Variants in TMEM263 observed in about 807,000 individuals in gnomAD.
The protein encoded by TMEM263 is transmembrane protein 263, also known as UPF0444 transmembrane protein C12orf23.
A neutral mutation model predicts 8.6 loss-of-function variants in TMEM263; 5 were observed. The observed-to-expected ratio is 0.58, with a 90% CI of 0.31 to 1.23. The LOEUF (loss-of-function observed/expected upper bound fraction) is 1.23. Ranked by LOEUF, TMEM263 falls within the 50% of genes most tolerant of loss-of-function variation. The probability of loss-of-function intolerance (pLI) is 0.07; values close to 1 mark genes in which losing one functional copy is unlikely to be tolerated. For missense variants in TMEM263, 104 were observed against 138.8 expected (o/e 0.75, Z 1.26); for synonymous variants, 50 against 47.9 (o/e 1.04, Z -0.18).
In TMEM263 at chr12:106,956,014, G is replaced by T; in HGVS notation, c.-126G>T. 1 of 985,954 alleles carries T rather than the reference G, an allele frequency of 1.0e-6. No homozygotes were observed. The highest frequency in any genetic ancestry group is 1.2e-6 in the Non-Finnish European group (1 of 830,404). The allele number at this position is 985,954 out of a possible 1,614,324, so 61.1% of individuals were successfully genotyped here. A position where few individuals can be genotyped will look rare whatever the true frequency, so the allele number is the denominator to read the frequency against. On this transcript the variant is annotated 5_prime_UTR_variant, in exon 1 of 4. Coordinates refer to ENST00000280756, the MANE Select transcript of TMEM263 (RefSeq NM_152261.4). ...GGCCGCCTCAGCTCTCCTCTGCGCCGGCCCGCTCACTCCGCCCGGCCCCAG... is the reference window on the plus strand; with the variant it reads ...GGCCGCCTCAGCTCTCCTCTGCGCCTGCCCGCTCACTCCGCCCGGCCCCAG...
chr12:106,956,227 C>T (rs1375898386), intron 1 of TMEM263, among the ~76,000 whole-genome samples, 162 bp downstream of exon 1: 1 of 152,180 alleles, frequency 6.6e-6, no homozygotes, highest in Non-Finnish European at 1.5e-5. Context: ...AGGGGCGGGA[C>T]GAAGTTGGGG....
At chr12:106,968,412 T>A (rs948764375) in intron 3 of TMEM263, among the ~76,000 whole-genome samples, 1 of 151,874 alleles carries the variant, frequency 6.6e-6, no homozygotes, top group Non-Finnish European at 1.5e-5. Context: ...TAGGTTTAGT[T>A]TAGTTTGGTG....
chr12:106,963,819 G>C (rs1288141692), intron 2 of TMEM263, among the ~76,000 whole-genome samples: 2 of 152,124 alleles, frequency 1.3e-5, no homozygotes, highest in Non-Finnish European at 2.9e-5. Context: ...TTGTTTTTAA[G>C]GGATACTGTA....
chr12:106,969,224 C>T (rs1951885307), intron 3 of TMEM263, among the ~76,000 whole-genome samples: 1 of 152,070 alleles, frequency 6.6e-6, no homozygotes, highest in Non-Finnish European at 1.5e-5. Context: ...TTTATTTTCT[C>T]CATCAAATAT....
At chr12:106,967,066 C>T (rs1011632289) in intron 2 of TMEM263, 45 bp from the exon 3 acceptor site, 2 of 1,271,228 alleles carry the variant, frequency 1.6e-6, no homozygotes, top group Non-Finnish European at 2.3e-6. Context: ...GGTAGTCTCA[C>T]ATGTTGAGGT....
Position 106,972,334 on chromosome 12 carries a change from A to G in TMEM263, c.*943A>G, listed in dbSNP as rs1951933539. 1 of 152,190 alleles carries G rather than the reference A, an allele frequency of 6.6e-6. No homozygotes were observed. The highest frequency in any genetic ancestry group is 2.4e-5 in the African/African-American group (1 of 41,456). 9.4% of individuals were successfully genotyped at this position (152,190 alleles called of 1,614,324 possible). A position where few individuals can be genotyped will look rare whatever the true frequency, so the allele number is the denominator to read the frequency against. ...TTTTAAGTTCTTAAAAATTACCTAA[A>G]ACACCCCAAATATAAAAAGAAGCCT... On this transcript the variant is annotated 3_prime_UTR_variant, in exon 4 of 4. Transcript: ENST00000280756.
At chr12:106,970,062 T>C (rs1277350088) in intron 3 of TMEM263, among the ~76,000 whole-genome samples, 4 of 152,194 alleles carry the variant, frequency 2.6e-5, no homozygotes, top group Admixed American at 2.0e-4. Flanking sequence ...TCTATCCTAC[T>C]TATGTCTGAA....
At chr12:106,964,927 G>C (rs187284015) in intron 2 of TMEM263, among the ~76,000 whole-genome samples, 81 of 152,262 alleles carry the variant, frequency 5.3e-4, no homozygotes, top group African/African-American at 1.9e-3. Context: ...TTCTGCCTCT[G>C]CTGTTGTTCA....
chr12:106,967,552 C>T (rs1357887624), intron 3 of TMEM263, among the ~76,000 whole-genome samples: 1 of 152,210 alleles, frequency 6.6e-6, no homozygotes, highest in African/African-American at 2.4e-5. Context: ...TGAGCCACCA[C>T]TCCCAGCCCT....
intron 3 of TMEM263, among the ~76,000 whole-genome samples, chr12:106,969,587 G>A (rs1951891260): frequency 6.6e-6 from 1 of 151,984 alleles, no homozygotes; most frequent in African/African-American, 2.4e-5. Context: ...TTAGCCGGGT[G>A]TGGTGGTGGG....
rs930404972 is a variant in TMEM263 at position 106,972,185 on chromosome 12, T to G, written c.*794T>G. ...GTTTTGGCAGTAGTTAAAATCAAAT[T>G]GTACACTTCTCAGCCTGGGTTCATG... On this transcript the variant is annotated 3_prime_UTR_variant, in exon 4 of 4. Transcript: ENST00000280756. 3 of 152,330 alleles carry G rather than the reference T, an allele frequency of 2.0e-5. No homozygotes were observed. Among genetic ancestry groups the G allele is most frequent in the African/African-American group, 7.2e-5 (3 of 41,442 alleles). The allele number at this position is 152,330 out of a possible 1,614,324, so 9.4% of individuals were successfully genotyped here.
At position 106,971,087 on chromosome 12, in the gene TMEM263, G is replaced by T; in HGVS notation, c.65-18G>T. ...TGTGACTTATATTTGATTGTCTCAT[G>T]ATATTTTCTCTCATTAGGTTCAATG... On this transcript the variant is annotated intron_variant, in intron 3 of 3. Coordinates refer to ENST00000280756, the MANE Select transcript of TMEM263 (RefSeq NM_152261.4). The T allele has an allele frequency of 6.2e-7, 1 of 1,611,870 alleles. No homozygotes were observed. Among genetic ancestry groups the T allele is most frequent in the South Asian group, 1.1e-5 (1 of 90,830 alleles).
At chr12:106,957,049 A>G in intron 1 of TMEM263, 33 bp from the exon 2 acceptor site, 1 of 974,272 alleles carries the variant, frequency 1.0e-6, no homozygotes, top group Non-Finnish European at 1.2e-6. Context: ...AATATTTGCT[A>G]TATGTGATTA....
intron 2 of TMEM263, among the ~76,000 whole-genome samples, chr12:106,960,588 T>C (rs948940859): frequency 1.3e-5 from 2 of 152,146 alleles, no homozygotes; most frequent in Non-Finnish European, 2.9e-5. Context: ...ACTCCTAATT[T>C]TAGGCCAGAA....
chr12:106,968,792 T>C (rs1951878861), intron 3 of TMEM263, among the ~76,000 whole-genome samples: 1 of 152,244 alleles, frequency 6.6e-6, no homozygotes, highest in Non-Finnish European at 1.5e-5. Flanking sequence ...CATGGCAAGA[T>C]AGTTTTACTA....
chr12:106,957,762 A>G (rs1231819554), intron 2 of TMEM263, among the ~76,000 whole-genome samples: 1 of 152,184 alleles, frequency 6.6e-6, no homozygotes, highest in Non-Finnish European at 1.5e-5. Context: ...TGACACTGTC[A>G]GTTATTACTC....
rs536904109 is a variant in TMEM263, at chr12:106,957,162, G to C, written c.-7+13G>C. The C allele has an allele frequency of 1.5e-5, 15 of 973,486 alleles. No homozygotes were observed. The highest frequency in any genetic ancestry group is 1.8e-5 in the Non-Finnish European group (15 of 827,310). The allele number at this position is 973,486 out of a possible 1,614,324, so 60.3% of individuals were successfully genotyped here. A position where few individuals can be genotyped will look rare whatever the true frequency, so the allele number is the denominator to read the frequency against. ...ACAACACCAACAGGTAAACGCGCGC[G>C]CCCGTGTGTGTGTGTGTGTGTGTGT... On this transcript the variant is annotated intron_variant, in intron 2 of 3. Coordinates refer to ENST00000280756, the MANE Select transcript of TMEM263 (RefSeq NM_152261.4).
intron 3 of TMEM263, among the ~76,000 whole-genome samples, chr12:106,968,359 G>C (rs1477254813): frequency 2.0e-5 from 3 of 149,686 alleles, no homozygotes; most frequent in African/African-American, 7.3e-5. Context: ...CTGGGCGACA[G>C]AGTGAGACTC....
intron 2 of TMEM263, among the ~76,000 whole-genome samples, chr12:106,957,371 C>G (rs1440236055): frequency 2.0e-5 from 3 of 152,072 alleles, no homozygotes; most frequent in African/African-American, 7.2e-5. Flanking sequence ...AAAAATTTGT[C>G]CATTTATAGA....
Sources: gnomAD v4.1 joint callset for allele counts (sites outside exome capture counted in the v4.1 genomes callset) on GRCh38, gnomAD v4.1.1 for gene constraint, MANE v1.5 for transcripts, NCBI Gene and HGNC (gene_info 2026-07-23, HGNC 2026-07-21) for gene names.